ASB3: variants seen among roughly 807,000 people sequenced by gnomAD.
ASB3 encodes ankyrin repeat and SOCS box containing 3, also known as ankyrin repeat and SOCS box protein 3.
ASB3 carries 41 observed loss-of-function variants against 54.5 expected under a neutral mutation model. The observed-to-expected ratio is 0.75, with a 90% confidence interval of 0.59 to 0.98. The LOEUF (loss-of-function observed/expected upper bound fraction) is 0.98, where lower values mean the gene tolerates loss of function less well. Among genes scored for constraint, ASB3 ranks in the 50% least tolerant of loss-of-function variants. The pLI is 0.00. For missense variants in ASB3, 733 were observed against 620.0 expected (o/e 1.18, Z -1.94); for synonymous variants, 266 against 221.2 (o/e 1.20, Z -1.80).
At chr2:53,704,041 T>C (rs1489058033) in intron 7 of ASB3, among the ~76,000 whole-genome samples, 4 of 152,124 alleles carry the variant, frequency 2.6e-5, no homozygotes, top group African/African-American at 9.7e-5. Context: ...GTAAAAGTGA[T>C]ATAGGAAATT....
rs1572905230 is a variant in ASB3 at position 53,721,097 on chromosome 2, A to G, written c.605-4354T>C. Among the ~76,000 whole-genome samples the G allele has an allele frequency of 2.0e-5, 3 of 151,170 alleles. No individual in the cohort carries two copies. The Admixed American group carries it at 2.0e-4, about 10-fold the overall frequency. ...CATGCCACTGCACTCCAGTCTGGGT[A>G]CAGAGCAAGACCCTGTCTCCAGAAA... On this transcript the variant is annotated intron_variant, in intron 5 of 9. Transcript: ENST00000263634.
intron 9 of ASB3, among the ~76,000 whole-genome samples, chr2:53,687,195 T>C (rs1298406617): frequency 6.6e-6 from 1 of 152,086 alleles, no homozygotes; most frequent in African/African-American, 2.4e-5. Context: ...GAAGTTAAAA[T>C]TGTAAGTGGG....
At chr2:53,680,321 C>T (rs555268154) in intron 9 of ASB3, among the ~76,000 whole-genome samples, 154 of 152,338 alleles carry the variant, frequency 1.0e-3, no homozygotes, top group Non-Finnish European at 1.4e-3. Flanking sequence ...AATTGCCACA[C>T]TGTCTTCCCA....
In ASB3 at chr2:53,681,249, TG is replaced by T. The variant is rs1249235882; in HGVS notation, c.1370-10560del. Among the ~76,000 whole-genome samples, 3 of 152,336 alleles carry T rather than the reference TG, an allele frequency of 2.0e-5. No individual in the cohort carries two copies. The East Asian group carries it at 5.8e-4, about 29-fold the overall frequency. ...GGTATATACCCAGCAGTGGGACTGCTGGATTATATGGTAGGTCTATTTTTAG... is the reference window on the plus strand; with the variant it reads ...GGTATATACCCAGCAGTGGGACTGCTGATTATATGGTAGGTCTATTTTTAG... On this transcript the variant is annotated intron_variant, in intron 9 of 9. Transcript: ENST00000263634.
chr2:53,710,518 A>G (rs140847325), intron 7 of ASB3, among the ~76,000 whole-genome samples: 1 of 152,276 alleles, frequency 6.6e-6, no homozygotes, highest in Non-Finnish European at 1.5e-5. Context: ...GAGATTTAGT[A>G]ATGTTTTATC....
At chr2:53,770,325 A>C (rs1010459490) in intron 1 of ASB3, among the ~76,000 whole-genome samples, 19 of 152,170 alleles carry the variant, frequency 1.2e-4, no homozygotes, top group African/African-American at 4.6e-4. Context: ...ATGAAGACTA[A>C]AAGGAAATAG....
intron 9 of ASB3, among the ~76,000 whole-genome samples, chr2:53,678,036 A>G (rs548713750): frequency 1.3e-5 from 2 of 152,228 alleles, no homozygotes; most frequent in South Asian, 4.2e-4. Context: ...AAAGTGTACA[A>G]TGTGATGTTT....
In ASB3 at chr2:53,774,508, A is replaced by C. The variant is rs149485270; in HGVS notation, c.-13-8923T>G. ...AAAGGAACGTTTAGAAGGGAAACAG[A>C]ACCTCAATTGCATATAATTTAGTCT... On this transcript the variant is annotated intron_variant, in intron 1 of 9. Coordinates refer to ENST00000263634, the MANE Select transcript of ASB3 (RefSeq NM_016115.5). 9.0e-6 allele frequency: 14 copies of C among 1,552,096 alleles called. No individual in the cohort carries two copies. Among genetic ancestry groups the C allele is most frequent in the Non-Finnish European group, 1.2e-5 (14 of 1,154,638 alleles).
At chr2:53,707,035 A>G (rs1447963118) in intron 7 of ASB3, among the ~76,000 whole-genome samples, 2 of 152,184 alleles carry the variant, frequency 1.3e-5, no homozygotes, top group Non-Finnish European at 2.9e-5. Flanking sequence ...CTGTGAATAA[A>G]TAATTGTTCT....
At chr2:53,694,283 T>C (rs1183805311) in intron 8 of ASB3, 3 of 318,058 alleles carry the variant, frequency 9.4e-6, no homozygotes, top group Non-Finnish European at 1.7e-5. Flanking sequence ...TTCCTTCTCA[T>C]GGGTGACAGC....
At chr2:53,750,724 T>C (rs1672468016) in intron 3 of ASB3, 59 bp downstream of exon 3, 1 of 1,413,872 alleles carries the variant, frequency 7.1e-7, no homozygotes, top group Middle Eastern at 1.9e-4. Flanking sequence ...TTAAGCTTAG[T>C]TTAACAAAAA....
intron 3 of ASB3, chr2:53,748,410 C>A (rs1245825358): frequency 6.6e-6 from 1 of 151,982 alleles, no homozygotes; most frequent in East Asian, 1.9e-4. Flanking sequence ...AATGCAGGTG[C>A]AGGGGAAAAA....
At chr2:53,708,936 G>C (rs550552714) in intron 7 of ASB3, among the ~76,000 whole-genome samples, 2 of 152,320 alleles carry the variant, frequency 1.3e-5, no homozygotes, top group South Asian at 4.1e-4. Context: ...AGGAGAAGCA[G>C]AGTATAAAAG....
chr2:53,729,358 A>G (rs2103906967), intron 4 of ASB3, 100 bp downstream of exon 4: 4 of 1,167,712 alleles, frequency 3.4e-6, no homozygotes, highest in Non-Finnish European at 4.9e-6. Flanking sequence ...ACCATCATAA[A>G]TCACAGGCAA....
chr2:53,683,312 A>G (rs1668473795), intron 9 of ASB3, among the ~76,000 whole-genome samples: 1 of 152,092 alleles, frequency 6.6e-6, no homozygotes, highest in Non-Finnish European at 1.5e-5. Context: ...CCTGGGATAG[A>G]TTCCACTTGG....
At chr2:53,716,530 A>C in intron 6 of ASB3, 36 bp downstream of exon 6, 3 of 1,594,416 alleles carry the variant, frequency 1.9e-6, no homozygotes, top group Non-Finnish European at 2.6e-6. Flanking sequence ...GCTTTTGATT[A>C]AGAGACCATG....
chr2:53,716,969 C>G (rs996354930), intron 5 of ASB3, among the ~76,000 whole-genome samples: 5 of 152,152 alleles, frequency 3.3e-5, no homozygotes, highest in Non-Finnish European at 7.4e-5. Context: ...GGAATCCCAG[C>G]AATTTAGGAA....
chr2:53,768,103 G>C (rs1673620861), intron 1 of ASB3: 1 of 1,513,850 alleles, frequency 6.6e-7, no homozygotes, highest in East Asian at 2.3e-5. Flanking sequence ...ACACCCTAGA[G>C]AACCACACCT....
chr2:53,726,514 G>A (rs558135696), intron 5 of ASB3, among the ~76,000 whole-genome samples: 1 of 151,406 alleles, frequency 6.6e-6, no homozygotes, highest in African/African-American at 2.4e-5. Context: ...GCCCACCTTG[G>A]CCTCCCAAAG....
Sources: gnomAD v4.1 joint callset for allele counts (sites outside exome capture counted in the v4.1 genomes callset) on GRCh38, gnomAD v4.1.1 for gene constraint, MANE v1.5 for transcripts, NCBI Gene and HGNC (gene_info 2026-07-23, HGNC 2026-07-21) for gene names.